The following CADPS2 variants were observed in gnomAD, a reference collection of about 807,000 sequenced individuals.
CADPS2 encodes the protein calcium-dependent secretion activator 2.
Under a neutral mutation model 172.5 loss-of-function variants are expected in CADPS2, and 93 were observed. The ratio of observed to expected loss-of-function variants is 0.54; its 90% CI spans 0.46 to 0.64. The LOEUF is 0.64. Among genes scored for constraint, CADPS2 ranks in the 30% least tolerant of loss-of-function variants. The probability of loss-of-function intolerance (pLI) is 0.00; values close to 1 mark genes in which losing one functional copy is unlikely to be tolerated. For missense variants in CADPS2, 1,420 were observed against 1,565.9 expected, an observed-to-expected ratio of 0.91 and a Z score of 1.57; for synonymous variants, 546 against 555.2, an observed-to-expected ratio of 0.98 and a Z score of 0.23.
At chr7:122,557,495 C>T (rs967750215) in intron 7 of CADPS2, among the ~76,000 whole-genome samples, 3 of 152,098 alleles carry the variant, frequency 2.0e-5, no homozygotes, top group African/African-American at 7.2e-5. Flanking sequence ...GCTCTCCTGT[C>T]CCTGTTCCGT....
chr7:122,877,682 T>C (rs963156002), intron 1 of CADPS2, among the ~76,000 whole-genome samples: 3 of 152,092 alleles, frequency 2.0e-5, no homozygotes, highest in Non-Finnish European at 2.9e-5. Context: ...CTTCAAAAAG[T>C]TACAGAGTCT....
At chr7:122,476,531 C>T (rs750659394) in intron 12 of CADPS2, among the ~76,000 whole-genome samples, 1 of 151,996 alleles carries the variant, frequency 6.6e-6, no homozygotes, top group Non-Finnish European at 1.5e-5. Flanking sequence ...AAATACAATT[C>T]CAAACTATAT....
intron 6 of CADPS2, among the ~76,000 whole-genome samples, chr7:122,593,494 T>A (rs1384640665): frequency 3.3e-5 from 5 of 152,110 alleles, no homozygotes; most frequent in Admixed American, 2.6e-4. Flanking sequence ...CCTAATAACA[T>A]GTTCCTCATA....
chr7:122,707,811 T>C (rs1379131540), intron 2 of CADPS2, among the ~76,000 whole-genome samples: 2 of 151,498 alleles, frequency 1.3e-5, no homozygotes, highest in African/African-American at 4.8e-5. Flanking sequence ...TATATATATA[T>C]ATGTTATTAT....
intron 20 of CADPS2, among the ~76,000 whole-genome samples, chr7:122,398,882 A>G (rs955272462): frequency 1.3e-5 from 2 of 151,842 alleles, no homozygotes; most frequent in African/African-American, 2.4e-5. Context: ...TTGAATAAAT[A>G]TCAATAAAAA....
At chr7:122,542,181 G>A (rs1041658237) in intron 8 of CADPS2, among the ~76,000 whole-genome samples, 6 of 151,958 alleles carry the variant, frequency 3.9e-5, no homozygotes, top group African/African-American at 1.4e-4. Flanking sequence ...GGAGGCACAG[G>A]GAGGTTAAGT....
At chr7:122,582,435 T>A (rs1010429530) in intron 6 of CADPS2, among the ~76,000 whole-genome samples, 1 of 152,166 alleles carries the variant, frequency 6.6e-6, no homozygotes, top group East Asian at 1.9e-4. Context: ...AGTCTTTTTT[T>A]TTGAAATATC....
chr7:122,403,883 A>C (rs1380272156), intron 20 of CADPS2, among the ~76,000 whole-genome samples: 1 of 152,220 alleles, frequency 6.6e-6, no homozygotes, highest in African/African-American at 2.4e-5. Flanking sequence ...AAAACTTCCA[A>C]GAAATCCACA....
At chr7:122,432,648 A>AT (rs1435155593) in intron 17 of CADPS2, among the ~76,000 whole-genome samples, 17 of 151,020 alleles carry the variant, frequency 1.1e-4, no homozygotes, top group Admixed American at 4.6e-4. Flanking sequence ...TAAAATAAAA[A>AT]AAAAAAAAAA....
At chr7:122,480,762 T>A in intron 12 of CADPS2, 90 bp downstream of exon 12, 1 of 844,972 alleles carries the variant, frequency 1.2e-6, no homozygotes, top group Non-Finnish European at 1.8e-6. Flanking sequence ...AGGGGATTGA[T>A]CCTGTAAACA....
chr7:122,803,298 T>G (rs555733387), intron 1 of CADPS2, among the ~76,000 whole-genome samples: 109 of 152,220 alleles, frequency 7.2e-4, no homozygotes, highest in Non-Finnish European at 1.4e-3. Flanking sequence ...TTGCCAGCAT[T>G]TGTTCTGTAA....
At chr7:122,876,354 C>T (rs565905246) in intron 1 of CADPS2, among the ~76,000 whole-genome samples, 2 of 152,170 alleles carry the variant, frequency 1.3e-5, no homozygotes, top group African/African-American at 4.8e-5. Flanking sequence ...TCCAGCAAAT[C>T]TAATTTTATA....
chr7:122,427,758 A>T (rs1477814837), intron 17 of CADPS2, among the ~76,000 whole-genome samples: 3 of 151,938 alleles, frequency 2.0e-5, no homozygotes, highest in Admixed American at 1.3e-4. Flanking sequence ...TGACTTAGTT[A>T]TTCAGTATAC....
intron 1 of CADPS2, among the ~76,000 whole-genome samples, chr7:122,809,012 C>G (rs1799411810): frequency 6.6e-6 from 1 of 152,142 alleles, no homozygotes; most frequent in Non-Finnish European, 1.5e-5. Context: ...CACTTACAGG[C>G]TCCTGGAGTA....
chr7:122,675,807 C>T (rs918698456), intron 2 of CADPS2, among the ~76,000 whole-genome samples: 7 of 151,942 alleles, frequency 4.6e-5, no homozygotes, highest in Non-Finnish European at 1.0e-4. Flanking sequence ...CAACATACAC[C>T]AGGGCCTGTT....
In CADPS2 at chr7:122,878,053, C is replaced by T. The variant is rs555053651; in HGVS notation, c.339+7946G>A. Among the ~76,000 whole-genome samples the T allele has an allele frequency of 2.7e-5, 4 of 149,848 alleles. No homozygotes were observed. In the South Asian group the frequency reaches 8.5e-4, roughly 32 times the overall value. Reference sequence around the variant, plus strand: ...GCGGTGGATCATGAGGTCAAGAGATCAAGACCATCCAGGCCAACATGGTGA... The same window carrying T: ...GCGGTGGATCATGAGGTCAAGAGATTAAGACCATCCAGGCCAACATGGTGA... On this transcript the variant is annotated intron_variant, in intron 1 of 29. Transcript: ENST00000449022.
At chr7:122,501,852 G>A (rs1172669894) in intron 9 of CADPS2, among the ~76,000 whole-genome samples, 2 of 124,244 alleles carry the variant, frequency 1.6e-5, no homozygotes, top group Non-Finnish European at 3.1e-5. Context: ...TCCAGCCTGG[G>A]CAACAAGGCA....
intron 12 of CADPS2, among the ~76,000 whole-genome samples, chr7:122,475,518 T>C (rs773864641): frequency 6.6e-6 from 1 of 152,178 alleles, no homozygotes. Flanking sequence ...CTTAAAATTA[T>C]AAAGGAAAAG....
intron 6 of CADPS2, among the ~76,000 whole-genome samples, chr7:122,601,862 A>G (rs1417624863): frequency 1.3e-5 from 2 of 152,082 alleles, no homozygotes; most frequent in African/African-American, 4.8e-5. Flanking sequence ...CTCATGCTGC[A>G]AAAGTTACCT....
Sources: allele counts gnomAD v4.1 joint callset (sites outside exome capture counted in the v4.1 genomes callset), GRCh38; gene constraint gnomAD v4.1.1; transcripts MANE v1.5; gene names NCBI Gene and HGNC (gene_info 2026-07-23, HGNC 2026-07-21).